ARMC8: variants seen among roughly 807,000 people sequenced by gnomAD.
The protein encoded by ARMC8 is armadillo repeat containing 8, also known as armadillo repeat-containing protein 8.
ARMC8 carries 20 observed loss-of-function variants against 99.3 expected under a neutral mutation model. The observed-to-expected ratio is 0.20, with a 90% CI of 0.14 to 0.29. The LOEUF is 0.29. ARMC8 is among the 10% of genes least tolerant of loss of function. The pLI is 1.00. For missense variants in ARMC8, 569 were observed against 809.5 expected, an observed-to-expected ratio of 0.70 and a Z score of 3.60; for synonymous variants, 263 against 278.3, an observed-to-expected ratio of 0.95 and a Z score of 0.55.
chr3:138,232,530 A>T (rs549307074), intron 6 of ARMC8, among the ~76,000 whole-genome samples: 1 of 152,344 alleles, frequency 6.6e-6, no homozygotes, highest in East Asian at 1.9e-4. Context: ...TTACAAGCAC[A>T]TGGGTATACA....
intron 18 of ARMC8, 136 bp from the exon 19 acceptor site, chr3:138,284,295 T>A: frequency 1.5e-6 from 1 of 668,532 alleles, no homozygotes; most frequent in Admixed American, 2.3e-5. Flanking sequence ...TGTCAGCAGA[T>A]GAGAAATCAG....
In ARMC8 at chr3:138,201,739, G is replaced by A. The variant is rs559991901; in HGVS notation, c.46-8078G>A. Among the ~76,000 whole-genome samples, 6 of 152,196 alleles carry A rather than the reference G, an allele frequency of 3.9e-5. No individual in the cohort carries two copies. The South Asian group carries it at 8.3e-4, about 21-fold the overall frequency. On this transcript the variant is annotated intron_variant, in intron 1 of 21. Transcript: ENST00000469044. ...CTCCCAAAGTGCTGGGATTACAGGC[G>A]TGGGCCACTGCGCCCGACCTTACCC...
rs1043836853 is a variant in ARMC8 at position 138,228,900 on chromosome 3, T to C, written c.436-18T>C. 2.6e-6 allele frequency: 4 copies of C among 1,551,120 alleles called. No individual in the cohort carries two copies. The highest frequency in any genetic ancestry group is 1.1e-5 in the South Asian group (1 of 89,748). ...TCATGGTGCCTGAGTTTCTTGTTGC[T>C]GTGTTCTCCTTCCCTAGGATGCCAC... On this transcript the variant is annotated intron_variant, in intron 5 of 21. Coordinates refer to ENST00000469044, the MANE Select transcript of ARMC8 (RefSeq NM_001363941.2).
At chr3:138,207,017 C>T (rs1448470736) in intron 1 of ARMC8, among the ~76,000 whole-genome samples, 4 of 152,202 alleles carry the variant, frequency 2.6e-5, no homozygotes, top group African/African-American at 9.6e-5. Flanking sequence ...ATTGGTTAGC[C>T]TTTTGTGTTT....
chr3:138,245,152 T>A lies in ARMC8; in HGVS notation c.1103T>A (p.Leu368His), dbSNP rs1029683491. 6.2e-7 allele frequency: 1 copy of A among 1,614,106 alleles called. No homozygotes were observed. Among genetic ancestry groups the A allele is most frequent in the African/African-American group, 1.3e-5 (1 of 74,940 alleles). The change falls in exon 12 of 22, where the codon CTT becomes CAT. Residue 368 changes from leucine to histidine, a missense_variant. Leu to His is a moderately conservative substitution (Grantham distance 99). Around this residue, in one of 2 missense-constraint regions of ARMC8, gnomAD observed 227 missense variants for 417.9 expected, o/e 0.54. Coordinates refer to ENST00000469044, the MANE Select transcript of ARMC8 (RefSeq NM_001363941.2). ...RQAAFKLYAS[L>H]GANDEDIRKK... is the part of the protein sequence containing the mutation. Reference sequence around the variant, plus strand: ...GCTGCATTCAAGCTCTATGCCTCTCTTGGAGCAAATGATGAAGACATCCGG... The same window carrying A: ...GCTGCATTCAAGCTCTATGCCTCTCATGGAGCAAATGATGAAGACATCCGG...
intron 21 of ARMC8, 26 bp downstream of exon 21, chr3:138,290,665 G>A: frequency 1.3e-6 from 2 of 1,494,458 alleles, no homozygotes; most frequent in Non-Finnish European, 1.8e-6. Flanking sequence ...AAAAGGCCTT[G>A]CTTTGGGCTG....
intron 10 of ARMC8, 142 bp downstream of exon 10, chr3:138,239,670 T>G (rs989170859): frequency 3.3e-5 from 16 of 484,234 alleles, no homozygotes; most frequent in African/African-American, 2.8e-4. Flanking sequence ...GACCATGCTT[T>G]CTTTTCAGTG....
chr3:138,297,275 C>T lies in ARMC8; in HGVS notation c.*1383C>T, dbSNP rs2051566693. On this transcript the variant is annotated 3_prime_UTR_variant, in exon 22 of 22. Transcript: ENST00000469044. ...AGCAAGTACTGTTAGCCTTTCTGCACCCCTTAGCTTGGCCCCTGCTCCAAC... is the reference window on the plus strand; with the variant it reads ...AGCAAGTACTGTTAGCCTTTCTGCATCCCTTAGCTTGGCCCCTGCTCCAAC... 6.6e-6 allele frequency: 1 copy of T among 152,230 alleles called. No individual in the cohort carries two copies. Among genetic ancestry groups the T allele is most frequent in the Non-Finnish European group, 1.5e-5 (1 of 68,044 alleles). The allele number at this position is 152,230 out of a possible 1,614,324, so 9.4% of individuals were successfully genotyped here. A position where few individuals can be genotyped will look rare whatever the true frequency, so the allele number is the denominator to read the frequency against.
chr3:138,291,544 T>C (rs1207040110), intron 21 of ARMC8, among the ~76,000 whole-genome samples: 2 of 152,206 alleles, frequency 1.3e-5, no homozygotes, highest in Non-Finnish European at 2.9e-5. Flanking sequence ...CTCGTGTAAC[T>C]TACATTCTAG....
chr3:138,239,503 C>G lies in ARMC8; in HGVS notation c.812C>G (p.Thr271Arg). Residue 271 changes from threonine to arginine, a missense_variant, in exon 10 of 22, where the codon ACA (threonine) becomes AGA (arginine). Around this residue, in one of 2 missense-constraint regions of ARMC8, gnomAD observed 342 missense variants for 391.6 expected, o/e 0.87. Transcript: ENST00000469044. ...TYMCRAGAIR[T>R]DDNCIVLKTL... ...ATGTGTAGAGCTGGAGCAATTCGGA[C>G]AGATGATAACTGTATTGTATTAAAG... The G allele has an allele frequency of 6.3e-7, 1 of 1,595,972 alleles. No homozygotes were observed. The highest frequency in any genetic ancestry group is 8.5e-7 in the Non-Finnish European group (1 of 1,171,832).
chr3:138,229,820 A>G (rs890975390), intron 6 of ARMC8, among the ~76,000 whole-genome samples: 4 of 152,202 alleles, frequency 2.6e-5, no homozygotes, highest in African/African-American at 9.6e-5. Context: ...TAACCAAATA[A>G]TTATCTTCTG....
chr3:138,235,576 G>A (rs899645165), intron 7 of ARMC8, among the ~76,000 whole-genome samples: 1 of 152,070 alleles, frequency 6.6e-6, no homozygotes, highest in African/African-American at 2.4e-5. Context: ...AACTAATTAC[G>A]TTTTCTTTTA....
chr3:138,252,620 A>AT (rs2047177808), intron 12 of ARMC8, among the ~76,000 whole-genome samples: 1 of 149,326 alleles, frequency 6.7e-6, no homozygotes, highest in African/African-American at 2.5e-5. Context: ...CGCCTGGCTA[A>AT]TTTTTTGTAT....
intron 12 of ARMC8, among the ~76,000 whole-genome samples, chr3:138,258,729 G>T (rs1049978004): frequency 6.6e-6 from 1 of 152,204 alleles, no homozygotes; most frequent in African/African-American, 2.4e-5. Context: ...AAAGACACCA[G>T]CAGGGAGGTA....
At chr3:138,235,798 CTT>C (rs71146120) in intron 7 of ARMC8, among the ~76,000 whole-genome samples, 1 of 80,540 alleles carries the variant, frequency 1.2e-5, no homozygotes, top group Non-Finnish European at 2.3e-5. Context: ...TCCTTTTAGT[CTT>C]TTTTTTTTTT....
chr3:138,237,221 A>AT lies in ARMC8; in HGVS notation c.610-82dup, dbSNP rs1384117118. ...TTAGTATTTTAAGCAGATTTACATAATTTTTTAGAAGAGTTTAGATTCTGA... is the reference window on the plus strand; with the variant it reads ...TTAGTATTTTAAGCAGATTTACATAATTTTTTTAGAAGAGTTTAGATTCTGA... On this transcript the variant is annotated intron_variant, in intron 7 of 21. Coordinates refer to ENST00000469044, the MANE Select transcript of ARMC8 (RefSeq NM_001363941.2). 1.1e-5 allele frequency: 13 copies of AT among 1,178,036 alleles called. No individual in the cohort carries two copies. In the African/African-American group the frequency reaches 1.4e-4, roughly 13 times the overall value. The allele number at this position is 1,178,036 out of a possible 1,614,324, so 73.0% of individuals were successfully genotyped here.
At position 138,235,037 on chromosome 3, in the gene ARMC8, C is replaced by T; in HGVS notation, c.532C>T (p.Pro178Ser). ...CQIFSHCCKG[P>S]DHQTILFNHG... ...GTTGTATTCTTTTTTCTTACAGGGG[C>T]CAGATCATCAAACAATTTTATTTAA... Residue 178 changes from proline (P) to serine (S), a missense_variant, in exon 7 of 22, where the codon CCA (proline) becomes TCA (serine). By Grantham distance (74) the Pro-to-Ser change is moderately conservative. Transcript: ENST00000469044. 6.2e-7 allele frequency: 1 copy of T among 1,612,454 alleles called. No individual in the cohort carries two copies. The highest frequency in any genetic ancestry group is 8.5e-7 in the Non-Finnish European group (1 of 1,178,806).
intron 1 of ARMC8, among the ~76,000 whole-genome samples, chr3:138,200,733 C>T (rs1403329468): frequency 6.6e-6 from 1 of 152,136 alleles, no homozygotes; most frequent in African/African-American, 2.4e-5. Context: ...CCACTTCCAT[C>T]TCCCCTCCAG....
intron 21 of ARMC8, among the ~76,000 whole-genome samples, chr3:138,292,852 G>T (rs928891132): frequency 6.6e-6 from 1 of 152,154 alleles, no homozygotes. Context: ...CAGCATTTAG[G>T]CAGTGATGAG....
Sources: gnomAD v4.1 joint callset for allele counts (sites outside exome capture counted in the v4.1 genomes callset) on GRCh38, gnomAD v4.1.1 for gene constraint, gnomAD v4.1.1 regional missense constraint, MANE v1.5 for transcripts, NCBI Gene and HGNC (gene_info 2026-07-23, HGNC 2026-07-21) for gene names.